ARHGAP4: variants seen among roughly 807,000 people sequenced by gnomAD.
ARHGAP4 encodes the protein Rho GTPase activating protein 4, also known as rho GTPase-activating protein 4.
ARHGAP4 carries 25 observed loss-of-function variants against 67.6 expected under a neutral mutation model. The ratio of observed to expected loss-of-function variants is 0.37; its 90% confidence interval spans 0.27 to 0.52. ARHGAP4 has a LOEUF of 0.52. Among genes scored for constraint, ARHGAP4 ranks in the 20% least tolerant of loss-of-function variants. ARHGAP4 has a pLI of 0.92. For missense variants in ARHGAP4, 804 were observed against 854.6 expected (o/e 0.94, Z 0.74); for synonymous variants, 448 against 373.7 (o/e 1.20, Z -2.29).
chrX:153,924,441 AC>A (rs1480845367), intron 1 of ARHGAP4, among the ~76,000 whole-genome samples: 1 of 102,741 alleles, frequency 9.7e-6, no homozygotes, highest in Non-Finnish European at 2.0e-5. Flanking sequence ...CCCTGTCCTG[AC>A]CTCCCCCTAA....
At position 153,913,430 on chromosome X, in the gene ARHGAP4, C is replaced by A; in HGVS notation, c.1305G>T (p.Glu435Asp). The change falls in exon 9 of 22, where the codon GAG becomes GAT. Residue 435 changes from glutamate (E) to aspartate (D), a missense_variant. By Grantham distance (45) the Glu-to-Asp change is conservative. This residue lies in a region of ARHGAP4 where 404 missense variants were observed against 505.9 expected (regional missense o/e 0.80). Transcript: ENST00000350060. ...CCACCGTGAGGTAGAAGGTTTCGGT[C>A]TCCTGCTGCTGGCCGCGCCTCCGGC... ...QAGRRRGQQQ[E>D]TETFYLTKLQ... 2 of 1,210,980 alleles carry A rather than the reference C, an allele frequency of 1.7e-6. No individual in the cohort carries two copies. The highest frequency in any genetic ancestry group is 2.2e-6 in the Non-Finnish European group (2 of 894,996).
intron 1 of ARHGAP4, chrX:153,922,020 A>C: frequency 1.1e-6 from 1 of 884,134 alleles, no homozygotes; most frequent in Non-Finnish European, 1.5e-6. Context: ...TGTCCAGCCG[A>C]CCTCTGCGCT....
Position 153,911,146 on chromosome X carries a change from C to T in ARHGAP4, c.1586G>A (p.Arg529His), listed in dbSNP as rs200424312. The change falls in exon 13 of 22, where the codon CGC (arginine) becomes CAC (histidine). Residue 529 changes from arginine (R) to histidine (H), a missense_variant. Arg to His is a conservative substitution (Grantham distance 29). Around this residue, in one of 2 missense-constraint regions of ARHGAP4, gnomAD observed 404 missense variants for 505.9 expected, o/e 0.80. Transcript: ENST00000350060. ...PVPLVVESCI[R>H]FINLNGLQHE... ...CTGCTTACCATTGAGGTTGATGAAG[C>T]GAATGCAGCTCTCCACCACCAGGGG... The T allele has an allele frequency of 3.4e-6, 4 of 1,167,817 alleles. No individual in the cohort carries two copies. Among genetic ancestry groups the T allele is most frequent in the East Asian group, 3.2e-5 (1 of 31,098 alleles).
chrX:153,911,136 G>A lies in ARHGAP4; in HGVS notation c.1596C>T (p.Asn532=). 1 of 1,170,762 alleles carries A rather than the reference G, an allele frequency of 8.5e-7. No individual in the cohort carries two copies. The highest frequency in any genetic ancestry group is 1.1e-6 in the Non-Finnish European group (1 of 874,353). ...GGGCTGGGTCCTGCTTACCATTGAGGTTGATGAAGCGAATGCAGCTCTCCA... is the reference window on the plus strand; with the variant it reads ...GGGCTGGGTCCTGCTTACCATTGAGATTGATGAAGCGAATGCAGCTCTCCA... The part of the protein sequence containing the change: ...LVVESCIRFI[N]LNGLQHEGIF... The change falls in exon 13 of 22, where the codon AAC becomes AAT. Residue 532 remains asparagine (N), a synonymous_variant. Coordinates refer to ENST00000350060, the MANE Select transcript of ARHGAP4 (RefSeq NM_001666.5).
In ARHGAP4 at chrX:153,913,440, T is replaced by G. The variant is rs1412183421; in HGVS notation, c.1295A>C (p.Gln432Pro). The part of the protein sequence containing the change: ...GSRQAGRRRG[Q>P]QQETETFYLT... ...GTAGAAGGTTTCGGTCTCCTGCTGC[T>G]GGCCGCGCCTCCGGCCCGCCTGCCG... The change falls in exon 9 of 22, where the codon CAG becomes CCG. Residue 432 changes from glutamine (Q) to proline (P), a missense_variant. Transcript: ENST00000350060. The G allele has an allele frequency of 4.1e-6, 5 of 1,209,662 alleles. No homozygotes were observed. The highest frequency in any genetic ancestry group is 5.6e-6 in the Non-Finnish European group (5 of 894,895).
chrX:153,910,371 G>T lies in ARHGAP4; in HGVS notation c.1956C>A (p.Asp652Glu). 2 of 1,202,921 alleles carry T rather than the reference G, an allele frequency of 1.7e-6. No homozygotes were observed. Among genetic ancestry groups the T allele is most frequent in the Non-Finnish European group, 2.2e-6 (2 of 890,731 alleles). ...LAQYSDENMM[D>E]PYNLAVCFGP... ...CGAAGCACACGGCCAGGTTGTAGGG[G>T]TCCATCATGTTCTCATCGCTGTACT... The change falls in exon 17 of 22, where the codon GAC becomes GAA. Residue 652 changes from aspartate (D) to glutamate (E), a missense_variant. By Grantham distance (45) the Asp-to-Glu change is conservative. This residue lies in a region of ARHGAP4 where 400 missense variants were observed against 348.7 expected (regional missense o/e 1.15). Coordinates refer to ENST00000350060, the MANE Select transcript of ARHGAP4 (RefSeq NM_001666.5).
At chrX:153,912,864 C>G in intron 11 of ARHGAP4, 62 bp from the exon 12 acceptor site, 1 of 1,109,125 alleles carries the variant, frequency 9.0e-7, no homozygotes, top group Non-Finnish European at 1.2e-6. Context: ...GCCCCACCCC[C>G]CAGGCCAGCC....
In ARHGAP4 at chrX:153,909,751, G is replaced by T. The variant is rs1557102321; in HGVS notation, c.2404C>A (p.Leu802Met). Residue 802 changes from leucine (L) to methionine (M), a missense_variant, in exon 19 of 22, where the codon CTG becomes ATG. Leu to Met is a conservative substitution (Grantham distance 15). Transcript: ENST00000350060. ...GCGCGGCTCACTCACCCGGCGGGCAGCGTGATATACTTGTGGGGGATGAGG... is the reference window on the plus strand; with the variant it reads ...GCGCGGCTCACTCACCCGGCGGGCATCGTGATATACTTGTGGGGGATGAGG... ...RGLIPHKYIT[L>M]PAGTEKQVVG... The T allele has an allele frequency of 8.4e-7, 1 of 1,192,981 alleles. No individual in the cohort carries two copies. Among genetic ancestry groups the T allele is most frequent in the Admixed American group, 2.3e-5 (1 of 44,122 alleles).
intron 12 of ARHGAP4, 45 bp downstream of exon 12, chrX:153,912,655 G>A (rs1557103524): frequency 9.2e-7 from 1 of 1,086,890 alleles, no homozygotes; most frequent in African/African-American, 1.8e-5. Flanking sequence ...GCTGAAGAAA[G>A]ATCAGCATGT....
chrX:153,926,203 G>T lies in ARHGAP4; in HGVS notation c.-1C>A. 8.4e-7 allele frequency: 1 copy of T among 1,195,182 alleles called. No homozygotes were observed. Among genetic ancestry groups the T allele is most frequent in the East Asian group, 3.1e-5 (1 of 32,313 alleles). On this transcript the variant is annotated 5_prime_UTR_variant, in exon 1 of 22. Coordinates refer to ENST00000350060, the MANE Select transcript of ARHGAP4 (RefSeq NM_001666.5). ...GCCGCAGCTTCCCGTGAGCGGCCAT[G>T]GCGGCCTCGCGGCCGCGCCGTCGAA...
intron 21 of ARHGAP4, among the ~76,000 whole-genome samples, chrX:153,908,710 T>A (rs1402351806): frequency 1.9e-5 from 2 of 107,213 alleles, no homozygotes; most frequent in African/African-American, 6.8e-5. Context: ...CAGCTACAAA[T>A]GCCAGCCTTG....
Position 153,907,568 on chromosome X carries a change from C to T in ARHGAP4, c.*161G>A, listed in dbSNP as rs782538204. 37 of 372,433 alleles carry T rather than the reference C, an allele frequency of 9.9e-5. No homozygotes were observed. The highest frequency in any genetic ancestry group is 1.5e-4 in the Non-Finnish European group (32 of 218,562). The allele number at this position is 372,433 out of a possible 1,213,427, so 30.7% of individuals were successfully genotyped here. A position where few individuals can be genotyped will look rare whatever the true frequency, so the allele number is the denominator to read the frequency against. ...GCTGAGGGGCAGGCAGGATGTGGAG[C>T]GGGCATCCCTGTGTGCACGGCCCCA... On this transcript the variant is annotated 3_prime_UTR_variant, in exon 22 of 22. Transcript: ENST00000350060.
chrX:153,925,893 G>A lies in ARHGAP4; in HGVS notation c.67+243C>T, dbSNP rs185378274. Among the ~76,000 whole-genome samples, 538 of 113,134 alleles carry A rather than the reference G, an allele frequency of 4.8e-3. 8 individuals carry two copies. The highest frequency in any genetic ancestry group is 0.016 in the African/African-American group (503 of 31,216). ...ACTGAACCTTGGGTGAGAAGCGGTA[G>A]ACCCAAGGAGGACAGAGACCAAAGG... On this transcript the variant is annotated intron_variant, in intron 1 of 21. Coordinates refer to ENST00000350060, the MANE Select transcript of ARHGAP4 (RefSeq NM_001666.5).
Position 153,913,518 on chromosome X carries a change from T to C in ARHGAP4, c.1217A>G (p.Gln406Arg). Residue 406 changes from glutamine (Q) to arginine (R), a missense_variant, in exon 9 of 22, where the codon CAG becomes CGG. Physicochemically the swap from Gln to Arg is conservative, Grantham distance 43. Around this residue, in one of 2 missense-constraint regions of ARHGAP4, gnomAD observed 404 missense variants for 505.9 expected, o/e 0.80. Coordinates refer to ENST00000350060, the MANE Select transcript of ARHGAP4 (RefSeq NM_001666.5). Reference protein sequence around the residue: ...SDDGDVLDSFQTSPSTESLKS... With the variant: ...SDDGDVLDSFRTSPSTESLKS... Reference sequence around the variant, plus strand: ...GAGGGACTCGGTGGAGGGGCTGGTCTGGAAGGAATCAAGCACATCCCCGTC... The same window carrying C: ...GAGGGACTCGGTGGAGGGGCTGGTCCGGAAGGAATCAAGCACATCCCCGTC... 6 of 1,211,878 alleles carry C rather than the reference T, an allele frequency of 5.0e-6. No individual in the cohort carries two copies. Among genetic ancestry groups the C allele is most frequent in the Non-Finnish European group, 6.7e-6 (6 of 895,502 alleles).
chrX:153,910,770 C>A lies in ARHGAP4; in HGVS notation c.1746G>T (p.Lys582Asn). The A allele has an allele frequency of 8.4e-7, 1 of 1,192,683 alleles. No individual in the cohort carries two copies. Among genetic ancestry groups the A allele is most frequent in the Non-Finnish European group, 1.1e-6 (1 of 885,961 alleles). Residue 582 changes from lysine (K) to asparagine (N), a missense_variant, in exon 15 of 22, where the codon AAG becomes AAT. Transcript: ENST00000350060. ...GGGGCTCCAGGCTCCGGAAGTAGAG[C>A]TTCAGCACCCCGGCCACCGAGTCCA... ...HDLDSVAGVL[K>N]LYFRSLEPPL...
chrX:153,907,757 C>T lies in ARHGAP4; in HGVS notation c.2813G>A (p.Gly938Asp), dbSNP rs782310203. 7.9e-6 allele frequency: 8 copies of T among 1,013,636 alleles called. No homozygotes were observed. Among genetic ancestry groups the T allele is most frequent in the Non-Finnish European group, 3.8e-6 (3 of 789,551 alleles). The allele number at this position is 1,013,636 out of a possible 1,213,427, so 83.5% of individuals were successfully genotyped here. A position where few individuals can be genotyped will look rare whatever the true frequency, so the allele number is the denominator to read the frequency against. Residue 938 changes from glycine (G) to aspartate (D), a missense_variant, in exon 22 of 22, where the codon GGC becomes GAC. Physicochemically the swap from Gly to Asp is moderately conservative, Grantham distance 94. Transcript: ENST00000350060. ...PASPSASHPQ[G>D]LDTTPKPH ...GTGTGGCTTGGGGGTCGTGTCTAGGCCCTGGGGGTGGGAAGCTGAGGGTGA... is the reference window on the plus strand; with the variant it reads ...GTGTGGCTTGGGGGTCGTGTCTAGGTCCTGGGGGTGGGAAGCTGAGGGTGA...
Position 153,909,513 on chromosome X carries a change from C to T in ARHGAP4, c.2437G>A (p.Ala813Thr), listed in dbSNP as rs376883664. The change falls in exon 20 of 22, where the codon GCA (alanine) becomes ACA (threonine). Residue 813 changes from alanine (A) to threonine (T), a missense_variant. Ala to Thr is a moderately conservative substitution (Grantham distance 58). Transcript: ENST00000350060. ...GACTCCCCTGCAGTCTGCAGCCCTG[C>T]GCCCACCACCTGCTTCTCCGTCCTG... ...PAGTEKQVVGAGLQTAGESGS... is the reference protein window; with the variant it reads ...PAGTEKQVVGTGLQTAGESGS... 9.9e-6 allele frequency: 12 copies of T among 1,207,635 alleles called. No individual in the cohort carries two copies. The highest frequency in any genetic ancestry group is 7.0e-5 in the African/African-American group (4 of 57,495).
In ARHGAP4 at chrX:153,913,041, C is replaced by T. The variant is rs1015673244; in HGVS notation, c.1422G>A (p.Glu474=). The T allele has an allele frequency of 1.7e-6, 2 of 1,192,164 alleles. No homozygotes were observed. The highest frequency in any genetic ancestry group is 1.8e-5 in the South Asian group (1 of 54,425). Residue 474 remains glutamate (E), a synonymous_variant, in exon 11 of 22, where the codon GAG becomes GAA. Coordinates refer to ENST00000350060, the MANE Select transcript of ARHGAP4 (RefSeq NM_001666.5). ...GGACTCACCAAGACACCTCCTGCTC[C>T]TCCTTGTCACCTGTGGGGTGGGAGA... The part of the protein sequence containing the change: ...LQEALQRGDK[E]EQEVSWTQYT...
intron 5 of ARHGAP4, among the ~76,000 whole-genome samples, chrX:153,919,857 G>A (rs1407973721): frequency 9.2e-6 from 1 of 109,126 alleles, no homozygotes; most frequent in African/African-American, 3.3e-5. Flanking sequence ...TGCAATCTTA[G>A]ATCACTGCAA....
Sources: allele counts gnomAD v4.1 joint callset (sites outside exome capture counted in the v4.1 genomes callset), GRCh38; gene constraint gnomAD v4.1.1; regional missense constraint gnomAD v4.1.1; transcripts MANE v1.5; gene names NCBI Gene and HGNC (gene_info 2026-07-23, HGNC 2026-07-21).